The following EDRF1 variants were observed in gnomAD, a reference collection of about 807,000 sequenced individuals.
EDRF1 encodes erythroid differentiation-related factor 1.
Under a neutral mutation model 148.7 loss-of-function variants are expected in EDRF1, and 69 were observed. That is an observed-to-expected ratio of 0.46 (90% CI 0.38 to 0.57). The LOEUF (loss-of-function observed/expected upper bound fraction) is 0.57, where lower values mean the gene tolerates loss of function less well. Ranked by LOEUF, EDRF1 falls within the 20% of genes least tolerant of loss-of-function variation. The probability of loss-of-function intolerance (pLI) is 0.00; values close to 1 mark genes in which losing one functional copy is unlikely to be tolerated. For synonymous variants in EDRF1, 515 were observed against 532.8 expected, an observed-to-expected ratio of 0.97 and a Z score of 0.46; for missense variants, 1,118 against 1,478.7, an observed-to-expected ratio of 0.76 and a Z score of 4.00.
chr10:125,737,583 A>G (rs1289953961), intron 13 of EDRF1, among the ~76,000 whole-genome samples: 4 of 152,220 alleles, frequency 2.6e-5, no homozygotes, highest in Admixed American at 2.6e-4. Context: ...AAGCAAATAA[A>G]TTAAACAACG....
intron 9 of EDRF1, among the ~76,000 whole-genome samples, chr10:125,733,105 A>T (rs1340430956): frequency 6.6e-6 from 1 of 152,242 alleles, no homozygotes. Flanking sequence ...AAAAGTAGTC[A>T]GTATGATTTG....
Position 125,737,929 on chromosome 10 carries a change from A to C in EDRF1, c.1770A>C (p.Ala590=), listed in dbSNP as rs1409539681. Residue 590 remains alanine, a synonymous_variant, in exon 14 of 25, where the codon GCA becomes GCC. Transcript: ENST00000356792. ...GTTTGTTCCTCAAGCCCAGTTGTGC[A>C]TTTCCAGTTTGCCATGACACAGAAG... ...KSIHQIRPSC[A]FPVCHDTEER... 1.2e-6 allele frequency: 2 copies of C among 1,613,958 alleles called. No homozygotes were observed. Among genetic ancestry groups the C allele is most frequent in the Admixed American group, 3.3e-5 (2 of 60,022 alleles).
intron 24 of EDRF1, chr10:125,756,783 G>A (rs756693964): frequency 4.7e-6 from 2 of 422,614 alleles, no homozygotes; most frequent in South Asian, 1.8e-5. Flanking sequence ...CAATAGTTGG[G>A]TCTTGCTTTT....
At position 125,724,737 on chromosome 10, in the gene EDRF1, T is replaced by C. The variant is rs771369842; in HGVS notation, c.511-581T>C. On this transcript the variant is annotated intron_variant, in intron 4 of 24. Transcript: ENST00000356792. ...GAATGGATACTTTTGAAAAACATAA[T>C]AACATTGTTGCAGTTTCTCAAGAAC... Among the ~76,000 whole-genome samples the C allele has an allele frequency of 2.6e-5, 4 of 152,212 alleles. No homozygotes were observed. In the South Asian group the frequency reaches 8.3e-4, roughly 32 times the overall value.
intron 12 of EDRF1, among the ~76,000 whole-genome samples, chr10:125,734,622 C>T (rs1216862549): frequency 6.6e-6 from 1 of 151,980 alleles, no homozygotes; most frequent in Non-Finnish European, 1.5e-5. Flanking sequence ...GCTATTAGAC[C>T]TTGTTACCAC....
chr10:125,735,866 T>TC lies in EDRF1; in HGVS notation c.1721dup (p.Val575SerfsTer22). The TC allele has an allele frequency of 6.2e-7, 1 of 1,612,206 alleles. No individual in the cohort carries two copies. The highest frequency in any genetic ancestry group is 8.5e-7 in the Non-Finnish European group (1 of 1,178,612). On this transcript the variant is annotated frameshift_variant, in exon 13 of 25. Transcript: ENST00000356792. LOFTEE classifies it high-confidence loss of function. ...TATAATCAAGTCTGTTGGAGAACTA[T>TC]CAGTACCAGAAAAATACAAATCTAT...
In EDRF1 at chr10:125,747,710, G is replaced by A; in HGVS notation, c.2973+16G>A. 1.2e-6 allele frequency: 2 copies of A among 1,613,916 alleles called. No individual in the cohort carries two copies. The highest frequency in any genetic ancestry group is 1.7e-6 in the Non-Finnish European group (2 of 1,179,848). On this transcript the variant is annotated intron_variant, in intron 20 of 24. Coordinates refer to ENST00000356792, the MANE Select transcript of EDRF1 (RefSeq NM_001202438.2). The stretch of plus-strand genomic sequence containing the variant: ...TCAGGAGCAGGTGATAATATTTGCT[G>A]GAGTATAAAATAAGTTCTCAATCTA...
intron 24 of EDRF1, chr10:125,756,727 T>C: frequency 2.8e-6 from 1 of 359,770 alleles, no homozygotes; most frequent in Non-Finnish European, 5.3e-6. Flanking sequence ...GGTTAATGTC[T>C]TTTTTTGTAT....
At chr10:125,728,723 C>T (rs1054626236) in intron 6 of EDRF1, among the ~76,000 whole-genome samples, 2 of 151,982 alleles carry the variant, frequency 1.3e-5, no homozygotes, top group Non-Finnish European at 2.9e-5. Context: ...TAATCAGATG[C>T]ACCAAAAAAG....
At chr10:125,749,845 T>TA in intron 22 of EDRF1, 2 of 416,810 alleles carry the variant, frequency 4.8e-6, no homozygotes, top group Non-Finnish European at 9.0e-6. Flanking sequence ...TTTAGACAGT[T>TA]AAAGAATTCA....
chr10:125,721,426 A>G lies in EDRF1; in HGVS notation c.317+14A>G. ...GCCATTTTCAAGGTAAATATTAATCAGTGGCATTTTTACCTGCCCCTCCAC... is the reference window on the plus strand; with the variant it reads ...GCCATTTTCAAGGTAAATATTAATCGGTGGCATTTTTACCTGCCCCTCCAC... On this transcript the variant is annotated intron_variant, in intron 2 of 24. Transcript: ENST00000356792. 6.2e-7 allele frequency: 1 copy of G among 1,612,852 alleles called. No individual in the cohort carries two copies. The highest frequency in any genetic ancestry group is 1.1e-5 in the South Asian group (1 of 91,002).
chr10:125,721,117 G>C lies in EDRF1; in HGVS notation c.109-87G>C, dbSNP rs577702521. The C allele has an allele frequency of 3.8e-6, 5 of 1,304,192 alleles. No individual in the cohort carries two copies. In the Admixed American group the frequency reaches 8.4e-5, roughly 22 times the overall value. 80.8% of individuals were successfully genotyped at this position (1,304,192 alleles called of 1,614,324 possible). ...GCATACGTTCCTTGTGAAGCCTGGT[G>C]TGACAGGTTCTTGTTTTCTTTTTAT... On this transcript the variant is annotated intron_variant, in intron 1 of 24. Coordinates refer to ENST00000356792, the MANE Select transcript of EDRF1 (RefSeq NM_001202438.2).
intron 16 of EDRF1, 141 bp from the exon 17 acceptor site, chr10:125,740,860 T>C (rs907509064): frequency 5.5e-6 from 6 of 1,091,222 alleles, no homozygotes; most frequent in South Asian, 3.9e-5. Flanking sequence ...AGCCGTAATA[T>C]GTATTGTTGG....
At chr10:125,753,986 C>T (rs1311967023) in intron 24 of EDRF1, 141 bp downstream of exon 24, 5 of 850,238 alleles carry the variant, frequency 5.9e-6, no homozygotes, top group Non-Finnish European at 9.3e-6. Flanking sequence ...GAGGCCAAGG[C>T]AGGCAGATCA....
At chr10:125,749,331 G>T in intron 21 of EDRF1, 81 bp from the exon 22 acceptor site, 1 of 1,533,760 alleles carries the variant, frequency 6.5e-7, no homozygotes, top group South Asian at 1.1e-5. Flanking sequence ...CCACAGTGGG[G>T]GAAAAATAAC....
At position 125,729,064 on chromosome 10, in the gene EDRF1, A is replaced by C; in HGVS notation, c.854A>C (p.Gln285Pro). ...CATGTGGCCTCAGCCCCCAAAGAACAAAACCTGATTACTTTATTCAATGAC... is the reference window on the plus strand; with the variant it reads ...CATGTGGCCTCAGCCCCCAAAGAACCAAACCTGATTACTTTATTCAATGAC... ...VGHVASAPKE[Q>P]NLITLFNDGE... is the part of the protein sequence containing the mutation. The change falls in exon 7 of 25, where the codon CAA becomes CCA. Residue 285 changes from glutamine to proline, a missense_variant. Physicochemically the swap from Gln to Pro is moderately conservative, Grantham distance 76 (BLOSUM62 -1). Around this residue, in one of 3 missense-constraint regions of EDRF1, gnomAD observed 954 missense variants for 1,241.4 expected, o/e 0.77. Transcript: ENST00000356792. The C allele has an allele frequency of 6.3e-7, 1 of 1,580,112 alleles. No homozygotes were observed. The highest frequency in any genetic ancestry group is 8.5e-7 in the Non-Finnish European group (1 of 1,170,428).
chr10:125,725,962 G>A, intron 6 of EDRF1, 124 bp downstream of exon 6: 1 of 1,070,616 alleles, frequency 9.3e-7, no homozygotes, highest in East Asian at 2.6e-5. Context: ...TGGAATGGGG[G>A]AAAAAAGACT....
chr10:125,762,679 T>C (rs1415071921), intron 24 of EDRF1, among the ~76,000 whole-genome samples: 2 of 152,174 alleles, frequency 1.3e-5, no homozygotes, highest in Admixed American at 1.3e-4. Context: ...TCACACAGAA[T>C]TGCACTGACA....
At chr10:125,747,811 C>T in intron 20 of EDRF1, 52 bp from the exon 21 acceptor site, 1 of 1,612,630 alleles carries the variant, frequency 6.2e-7, no homozygotes, top group Non-Finnish European at 8.5e-7. Flanking sequence ...TTAAAAACTC[C>T]TACAGTCAGA....
Sources: gnomAD v4.1 joint callset for allele counts (sites outside exome capture counted in the v4.1 genomes callset) on GRCh38, gnomAD v4.1.1 for gene constraint, gnomAD v4.1.1 regional missense constraint, MANE v1.5 for transcripts, NCBI Gene and HGNC (gene_info 2026-07-23, HGNC 2026-07-21) for gene names.